Variants in APBB2 observed in about 807,000 individuals in gnomAD.
APBB2 encodes the protein amyloid beta precursor protein binding family B member 2.
APBB2 carries 38 observed loss-of-function variants against 82.5 expected under a neutral mutation model. That is an observed-to-expected ratio of 0.46 (90% confidence interval 0.36 to 0.60). APBB2 has a LOEUF of 0.60. Among genes scored for constraint, APBB2 ranks in the 20% least tolerant of loss-of-function variants. The pLI, the probability that APBB2 is intolerant of heterozygous loss-of-function variation, is 0.00. For missense variants in APBB2, 772 were observed against 972.3 expected (o/e 0.79, Z 2.74); for synonymous variants, 341 against 368.2 (o/e 0.93, Z 0.85).
At chr4:40,830,352 C>G in intron 13 of APBB2, 111 bp downstream of exon 13, 1 of 720,948 alleles carries the variant, frequency 1.4e-6, no homozygotes, top group Non-Finnish European at 2.5e-6. Flanking sequence ...CTGCCTACTT[C>G]TCCCTGAGCT....
chr4:40,956,049 C>A (rs968313799), intron 6 of APBB2, among the ~76,000 whole-genome samples: 1 of 152,196 alleles, frequency 6.6e-6, no homozygotes, highest in African/African-American at 2.4e-5. Flanking sequence ...GCTGGGATTA[C>A]AGGTGTGAGC....
rs1335699875 is a variant in APBB2 at position 40,812,199 on chromosome 4, TAAG to T, written c.*3890_*3892del. ...AATGCTCCATTACTAAAGTGATTTCTAAGAAGTCTGAGGTAAGAATAATTTAAA... is the reference window on the plus strand; with the variant it reads ...AATGCTCCATTACTAAAGTGATTTCTAAGTCTGAGGTAAGAATAATTTAAA... On this transcript the variant is annotated 3_prime_UTR_variant, in exon 18 of 18. Coordinates refer to ENST00000508593, the MANE Select transcript of APBB2 (RefSeq NM_004307.2). 1 of 152,236 alleles carries T rather than the reference TAAG, an allele frequency of 6.6e-6. No homozygotes were observed. Among genetic ancestry groups the T allele is most frequent in the African/African-American group, 2.4e-5 (1 of 41,458 alleles). The allele number at this position is 152,236 out of a possible 1,614,324, so 9.4% of individuals were successfully genotyped here.
At chr4:41,029,931 C>T (rs1010260731) in intron 5 of APBB2, among the ~76,000 whole-genome samples, 11 of 151,996 alleles carry the variant, frequency 7.2e-5, no homozygotes, top group Admixed American at 5.2e-4. Flanking sequence ...CTGAGGCAGG[C>T]GGATCACGAG....
At chr4:40,844,867 A>G (rs1006468270) in intron 12 of APBB2, among the ~76,000 whole-genome samples, 1 of 152,218 alleles carries the variant, frequency 6.6e-6, no homozygotes, top group Non-Finnish European at 1.5e-5. Flanking sequence ...ATTACACCAA[A>G]TGTTTTCAAT....
chr4:40,919,896 C>T (rs531423734), intron 10 of APBB2, among the ~76,000 whole-genome samples: 6 of 152,304 alleles, frequency 3.9e-5, no homozygotes, highest in South Asian at 2.1e-4. Flanking sequence ...TTTAGCCACA[C>T]GGCTCATTGC....
Position 41,149,895 on chromosome 4 carries a change from G to A in APBB2, c.-416-6753C>T, listed in dbSNP as rs569051589. Among the ~76,000 whole-genome samples, 7 of 152,246 alleles carry A rather than the reference G, an allele frequency of 4.6e-5. No individual in the cohort carries two copies. The South Asian group carries it at 6.2e-4, about 14-fold the overall frequency. ...ACTCTTTCCTGACACCATGTAAGAC[G>A]TGCCTTAACTCCTCCTTTGCTTTCC... is the stretch of plus-strand genomic sequence containing the variant. On this transcript the variant is annotated intron_variant, in intron 1 of 17. Coordinates refer to ENST00000508593, the MANE Select transcript of APBB2 (RefSeq NM_004307.2).
At chr4:40,825,718 C>T (rs935383582) in intron 15 of APBB2, 169 bp downstream of exon 15, 13 of 609,166 alleles carry the variant, frequency 2.1e-5, no homozygotes, top group Admixed American at 1.3e-4. Flanking sequence ...TCCCTCTACT[C>T]ATCTTTTGAT....
rs140884312 is a variant in APBB2 at position 41,209,479 on chromosome 4, A to G, written c.-417+4926T>C. Among the ~76,000 whole-genome samples, 14 of 152,338 alleles carry G rather than the reference A, an allele frequency of 9.2e-5. No homozygotes were observed. The East Asian group carries it at 2.3e-3, about 25-fold the overall frequency. On this transcript the variant is annotated intron_variant, in intron 1 of 17. Transcript: ENST00000508593. Reference sequence around the variant, plus strand: ...AGGGCTAACGTCAAATGAGAGTGAAAGTCGTATTCCAGAGACCAAGGGCTG... The same window carrying G: ...AGGGCTAACGTCAAATGAGAGTGAAGGTCGTATTCCAGAGACCAAGGGCTG...
Position 40,975,442 on chromosome 4 carries a change from C to T in APBB2, c.836-30369G>A, listed in dbSNP as rs188060897. On this transcript the variant is annotated intron_variant, in intron 6 of 17. Transcript: ENST00000508593. ...TTCTATGTTGAGTACTAATCACAAC[C>T]ATTTTTGTCTAATTTTGTGTTTAAT... Among the ~76,000 whole-genome samples the T allele has an allele frequency of 1.8e-3, 278 of 152,198 alleles. 5 individuals are homozygous for T. Among genetic ancestry groups the T allele is most frequent in the Middle Eastern group, 0.01 (3 of 294 alleles).
At chr4:41,049,319 C>A (rs1579557737) in intron 4 of APBB2, among the ~76,000 whole-genome samples, 1 of 108,798 alleles carries the variant, frequency 9.2e-6, no homozygotes, top group Non-Finnish European at 1.9e-5. Flanking sequence ...GCAGCCGCCC[C>A]GTCGGAGAAG....
chr4:41,108,344 T>C (rs1291687119), intron 2 of APBB2, among the ~76,000 whole-genome samples: 1 of 152,162 alleles, frequency 6.6e-6, no homozygotes. Flanking sequence ...TCTTCAGTGT[T>C]AGAGCATTTA....
intron 6 of APBB2, among the ~76,000 whole-genome samples, chr4:41,007,983 C>T (rs528622892): frequency 1.1e-4 from 16 of 152,318 alleles, no homozygotes; most frequent in Non-Finnish European, 1.9e-4. Flanking sequence ...CTTTATACAG[C>T]TCGGAGGGTC....
rs1047696070 is a variant in APBB2 at position 41,127,583 on chromosome 4, G to A, written c.-261+15404C>T. ...CAAAGCAGGTATGTACTACAGAATG[G>A]GAGAAAATATTCACAAACCATGCAT... On this transcript the variant is annotated intron_variant, in intron 2 of 17. Coordinates refer to ENST00000508593, the MANE Select transcript of APBB2 (RefSeq NM_004307.2). This position sits in a 1 kb window ranked among gnomAD's most constrained non-coding sequence, Gnocchi z 4.8. Among the ~76,000 whole-genome samples the A allele has an allele frequency of 6.6e-6, 1 of 152,122 alleles. No individual in the cohort carries two copies. The highest frequency in any genetic ancestry group is 1.5e-5 in the Non-Finnish European group (1 of 68,036).
rs559719676 is a variant in APBB2, at chr4:40,964,138, A to T, written c.836-19065T>A. Reference sequence around the variant, plus strand: ...TTCCATGACTAACTCATTTAAAAAAAAAATAAATTCTGCTCTGCTGATAGA... The same window carrying T: ...TTCCATGACTAACTCATTTAAAAAATAAATAAATTCTGCTCTGCTGATAGA... On this transcript the variant is annotated intron_variant, in intron 6 of 17. Transcript: ENST00000508593. Among the ~76,000 whole-genome samples the T allele has an allele frequency of 5.9e-5, 9 of 152,314 alleles. 1 individual carries two copies. The highest frequency in any genetic ancestry group is 1.9e-4 in the African/African-American group (8 of 41,566).
intron 1 of APBB2, among the ~76,000 whole-genome samples, chr4:41,209,580 G>A (rs1479225786): frequency 6.6e-6 from 1 of 152,286 alleles, no homozygotes; most frequent in Non-Finnish European, 1.5e-5. Context: ...GGTGGGCCTG[G>A]GAAGCAAAGC....
At chr4:41,003,570 A>G (rs1805814023) in intron 6 of APBB2, among the ~76,000 whole-genome samples, 2 of 152,204 alleles carry the variant, frequency 1.3e-5, no homozygotes, top group Non-Finnish European at 2.9e-5. Context: ...TTGTGTCCCT[A>G]TAAGAAGGCC....
intron 2 of APBB2, among the ~76,000 whole-genome samples, chr4:41,128,571 T>G (rs974925766): frequency 6.6e-6 from 1 of 152,258 alleles, no homozygotes; most frequent in Non-Finnish European, 1.5e-5. Flanking sequence ...TCTAATAACT[T>G]ATGACTCCAG....
chr4:41,198,749 T>C (rs1775965213), intron 1 of APBB2, among the ~76,000 whole-genome samples: 1 of 152,204 alleles, frequency 6.6e-6, no homozygotes, highest in Non-Finnish European at 1.5e-5. Context: ...AATCAAGGTG[T>C]TGGCAGAGCC....
chr4:41,017,822 T>C (rs1023542763), intron 5 of APBB2, among the ~76,000 whole-genome samples: 2 of 152,238 alleles, frequency 1.3e-5, no homozygotes, highest in African/African-American at 2.4e-5. Flanking sequence ...GTTGGGTCTA[T>C]GAGGATTTAA....
Sources: gnomAD v4.1 joint callset for allele counts (sites outside exome capture counted in the v4.1 genomes callset) on GRCh38, gnomAD v4.1.1 for gene constraint, Gnocchi (gnomAD v3.1) non-coding constraint, MANE v1.5 for transcripts, NCBI Gene and HGNC (gene_info 2026-07-23, HGNC 2026-07-21) for gene names.